Variants in ACVR1 observed in about 807,000 individuals in gnomAD.
ACVR1 encodes the protein activin receptor type-1.
ACVR1 carries 38 observed loss-of-function variants against 57.1 expected under a neutral mutation model. The observed-to-expected ratio is 0.67, with a 90% CI of 0.51 to 0.87. The LOEUF (loss-of-function observed/expected upper bound fraction) is 0.87, where lower values mean the gene tolerates loss of function less well. Ranked by LOEUF, ACVR1 falls within the 40% of genes least tolerant of loss-of-function variation. The pLI is 0.00. For synonymous variants in ACVR1, 212 were observed against 228.1 expected (o/e 0.93, Z 0.63); for missense variants, 463 against 638.2 (o/e 0.73, Z 2.96).
intron 1 of ACVR1, among the ~76,000 whole-genome samples, chr2:157,860,509 A>C (rs1689683374): frequency 1.3e-5 from 2 of 152,230 alleles, no homozygotes; most frequent in Non-Finnish European, 2.9e-5. Context: ...GGTTAAGCTA[A>C]TGGTTTTCTT....
chr2:157,809,607 C>G (rs896012209), intron 2 of ACVR1, among the ~76,000 whole-genome samples: 2 of 151,886 alleles, frequency 1.3e-5, no homozygotes, highest in Non-Finnish European at 2.9e-5. Context: ...AAAAAACCAC[C>G]CACTCGACCA....
At chr2:157,793,005 G>A (rs1441240715) in intron 3 of ACVR1, among the ~76,000 whole-genome samples, 1 of 152,214 alleles carries the variant, frequency 6.6e-6, no homozygotes, top group Non-Finnish European at 1.5e-5. Flanking sequence ...CCGCAGGACA[G>A]TTTGCAGTGT....
intron 2 of ACVR1, among the ~76,000 whole-genome samples, chr2:157,804,902 G>A (rs996676842): frequency 1.3e-5 from 2 of 152,118 alleles, no homozygotes; most frequent in African/African-American, 2.4e-5. Context: ...AGAAGCTAGC[G>A]CTTAGCTCAA....
intron 2 of ACVR1, among the ~76,000 whole-genome samples, chr2:157,816,875 A>G (rs2105327289): frequency 6.6e-6 from 1 of 152,230 alleles, no homozygotes; most frequent in South Asian, 2.1e-4. Context: ...CTCACAAAAC[A>G]TCTTACTGAC....
intron 1 of ACVR1, chr2:157,826,760 GGAAAGGAAAGGAAAGGAAAGGAAA>G (rs1459493663): frequency 0.011 from 915 of 86,476 alleles, 42 homozygotes; most frequent in African/African-American, 0.054. Flanking sequence ...GGAAAGGAAA[GGAAAGGAAAGGAAAGGAAAGGAAA>G]GGAAAGGGAA....
At chr2:157,849,578 C>T (rs2105363536) in intron 1 of ACVR1, among the ~76,000 whole-genome samples, 1 of 152,326 alleles carries the variant, frequency 6.6e-6, no homozygotes, top group South Asian at 2.1e-4. Context: ...CAGAATCACG[C>T]ATCGAAACTG....
At chr2:157,834,445 G>A (rs547291757) in intron 1 of ACVR1, among the ~76,000 whole-genome samples, 1 of 152,134 alleles carries the variant, frequency 6.6e-6, no homozygotes, top group East Asian at 1.9e-4. Context: ...CAGAAGTAGG[G>A]GCATTCCAGG....
At chr2:157,871,350 G>GTGAGGGCAA (rs1206725835) in intron 1 of ACVR1, among the ~76,000 whole-genome samples, 1 of 152,220 alleles carries the variant, frequency 6.6e-6, no homozygotes, top group African/African-American at 2.4e-5. Context: ...AAGGAGGGGA[G>GTGAGGGCAA]TGAGGGGCAA....
intron 1 of ACVR1, among the ~76,000 whole-genome samples, chr2:157,855,353 A>C (rs1689496361): frequency 7.1e-6 from 1 of 140,182 alleles, no homozygotes. Context: ...CACAAAAATT[A>C]GCCGGACGTG....
At chr2:157,816,224 A>G (rs1687927874) in intron 2 of ACVR1, among the ~76,000 whole-genome samples, 1 of 152,216 alleles carries the variant, frequency 6.6e-6, no homozygotes, top group African/African-American at 2.4e-5. Flanking sequence ...GATTTTAGCC[A>G]AAGGTGAAAG....
chr2:157,770,375 A>G lies in ACVR1; in HGVS notation c.783T>C (p.Asn261=), dbSNP rs774118301. 2.5e-6 allele frequency: 4 copies of G among 1,614,010 alleles called. No homozygotes were observed. In the East Asian group the frequency reaches 8.9e-5, roughly 36 times the overall value. The change falls in exon 7 of 11, where the codon AAT becomes AAC. Residue 261 remains asparagine (N), a synonymous_variant. Transcript: ENST00000434821. ...LYNTVMLRHE[N]ILGFIASDMT... is the part of the protein sequence containing the mutation. ...GGTTATCCTTGTACTTACCTAAGATATTTTCATGCCTCAGCATCACAGTGT... is the reference window on the plus strand; with the variant it reads ...GGTTATCCTTGTACTTACCTAAGATGTTTTCATGCCTCAGCATCACAGTGT...
chr2:157,813,147 T>C (rs1687809064), intron 2 of ACVR1, among the ~76,000 whole-genome samples: 1 of 151,336 alleles, frequency 6.6e-6, no homozygotes, highest in African/African-American at 2.4e-5. Flanking sequence ...GTAATAAAAT[T>C]CTGTGAAATG....
intron 1 of ACVR1, among the ~76,000 whole-genome samples, chr2:157,869,403 T>C (rs1690043782): frequency 6.6e-6 from 1 of 152,206 alleles, no homozygotes; most frequent in African/African-American, 2.4e-5. Flanking sequence ...ATTTCCACAA[T>C]ACCTAGAACA....
At chr2:157,837,270 T>A (rs908498084) in intron 1 of ACVR1, among the ~76,000 whole-genome samples, 2 of 152,214 alleles carry the variant, frequency 1.3e-5, no homozygotes, top group African/African-American at 4.8e-5. Context: ...TCAAACAGCA[T>A]GTCTTTCTTT....
chr2:157,745,850 G>A (rs903536834), intron 9 of ACVR1, among the ~76,000 whole-genome samples: 2 of 152,144 alleles, frequency 1.3e-5, no homozygotes, highest in African/African-American at 2.4e-5. Flanking sequence ...TTGCACTTAG[G>A]AGCAGAAGCA....
Position 157,826,864 on chromosome 2 carries a change from G to GGGAAAGGAAAGGAAAGGAAA in ACVR1, c.-182-8325_-182-8306dup, listed in dbSNP as rs137947402. 2.2e-4 allele frequency among the ~76,000 whole-genome samples: 23 copies of GGGAAAGGAAAGGAAAGGAAA among 105,594 alleles called. No homozygotes were observed. The South Asian group carries it at 5.8e-3, about 27-fold the overall frequency. The allele number at this position is 105,594 out of a possible 152,430, so 69.3% of individuals were successfully genotyped here. ...AGGGGAAAAGGAAAAGAAGAAGGAAGGGAAAGGAAAGGAAAGGAAAGGAAA... is the reference window on the plus strand; with the variant it reads ...AGGGGAAAAGGAAAAGAAGAAGGAAGGGAAAGGAAAGGAAAGGAAAGGAAAGGAAAGGAAAGGAAAGGAAA... On this transcript the variant is annotated intron_variant, in intron 1 of 10. Transcript: ENST00000434821.
intron 9 of ACVR1, among the ~76,000 whole-genome samples, chr2:157,746,629 A>G (rs759449842): frequency 3.3e-5 from 5 of 152,260 alleles, no homozygotes; most frequent in Non-Finnish European, 5.9e-5. Context: ...GAGCCTCGGC[A>G]TCACATTTTC....
At chr2:157,811,696 C>T (rs546399045) in intron 2 of ACVR1, among the ~76,000 whole-genome samples, 5 of 152,212 alleles carry the variant, frequency 3.3e-5, no homozygotes, top group Admixed American at 1.3e-4. Context: ...CAACATCTCA[C>T]CCAACAAAGT....
In ACVR1 at chr2:157,876,034, C is replaced by G. The variant is rs1407150682; in HGVS notation, c.-421G>C. Among the ~76,000 whole-genome samples the G allele has an allele frequency of 6.9e-6, 1 of 145,336 alleles. No homozygotes were observed. The highest frequency in any genetic ancestry group is 1.5e-5 in the Non-Finnish European group (1 of 65,980). ...GCCGGGAGCTTCCCGGCCCTGGGGC[C>G]GGCGCGGCTGGCCGAGGAGCAGGCT... On this transcript the variant is annotated 5_prime_UTR_variant, in exon 1 of 11. Transcript: ENST00000434821.
Sources: allele counts gnomAD v4.1 joint callset (sites outside exome capture counted in the v4.1 genomes callset), GRCh38; gene constraint gnomAD v4.1.1; transcripts MANE v1.5; gene names NCBI Gene and HGNC (gene_info 2026-07-23, HGNC 2026-07-21).